The following RNF17 variants were observed in gnomAD, a reference collection of about 807,000 sequenced individuals.
RNF17 encodes the protein spermatogenesis associated 23.
RNF17 carries 31 observed loss-of-function variants against 200.5 expected under a neutral mutation model. That is an observed-to-expected ratio of 0.15 (90% CI 0.12 to 0.21). RNF17 has a LOEUF of 0.21. RNF17 is among the 10% of genes least tolerant of loss of function. The pLI, the probability that RNF17 is intolerant of heterozygous loss-of-function variation, is 1.00. For synonymous variants in RNF17, 606 were observed against 637.8 expected, an observed-to-expected ratio of 0.95 and a Z score of 0.75; for missense variants, 1,628 against 1,905.1, an observed-to-expected ratio of 0.85 and a Z score of 2.71.
In RNF17 at chr13:24,844,630, T is replaced by TA. The variant is rs557437281; in HGVS notation, c.2832-19dup. On this transcript the variant is annotated intron_variant, in intron 20 of 35. Transcript: ENST00000255324. ...TTATATAAGAAAAGGTTTGGAAAGT[T>TA]AAATATTTTTTATCTCTATAGTTTA... The TA allele has an allele frequency of 3.0e-3, 4,608 of 1,530,674 alleles. 14 individuals carry two copies. The highest frequency in any genetic ancestry group is 3.7e-3 in the Non-Finnish European group (4,103 of 1,120,336). The allele number at this position is 1,530,674 out of a possible 1,614,324, so 94.8% of individuals were successfully genotyped here. A position where few individuals can be genotyped will look rare whatever the true frequency, so the allele number is the denominator to read the frequency against.
chr13:24,863,755 T>C (rs1893340867), intron 28 of RNF17, among the ~76,000 whole-genome samples: 1 of 152,224 alleles, frequency 6.6e-6, no homozygotes, highest in South Asian at 2.1e-4. Flanking sequence ...CAGCTTTCAC[T>C]GCTTCTTCGC....
intron 34 of RNF17, 37 bp downstream of exon 34, chr13:24,877,223 A>G: frequency 1.9e-6 from 3 of 1,546,200 alleles, no homozygotes; most frequent in Non-Finnish European, 1.8e-6. Flanking sequence ...TTGTAAAGCT[A>G]TTTCTGTGTC....
At position 24,870,493 on chromosome 13, in the gene RNF17, C is replaced by CT. The variant is rs1738866683; in HGVS notation, c.4279-77dup. 4 of 1,295,766 alleles carry CT rather than the reference C, an allele frequency of 3.1e-6. No homozygotes were observed. The Admixed American group carries it at 7.4e-5, about 24-fold the overall frequency. 80.3% of individuals were successfully genotyped at this position (1,295,766 alleles called of 1,614,324 possible). On this transcript the variant is annotated intron_variant, in intron 31 of 35. Coordinates refer to ENST00000255324, the MANE Select transcript of RNF17 (RefSeq NM_031277.3). ...TGGGAGCATCGCTGGAGGCTGTCTG[C>CT]TACAGTAATTTTGTCCACATACGTG...
intron 2 of RNF17, among the ~76,000 whole-genome samples, chr13:24,771,603 C>T (rs1283759830): frequency 6.7e-6 from 1 of 148,788 alleles, no homozygotes; most frequent in Non-Finnish European, 1.5e-5. Flanking sequence ...CTTAACTAGT[C>T]ATTTTTACCC....
chr13:24,784,114 AG>A (rs1882785965), intron 6 of RNF17, among the ~76,000 whole-genome samples: 1 of 152,228 alleles, frequency 6.6e-6, no homozygotes, highest in African/African-American at 2.4e-5. Context: ...GCATCAATTG[AG>A]AAACCACTTG....
downstream of RNF17, chr13:24,884,144 G>A (rs1314657920): frequency 6.2e-7 from 1 of 1,613,728 alleles, no homozygotes; most frequent in South Asian, 1.1e-5. Flanking sequence ...TAATGAGAGG[G>A]TGGAGCAAGT....
At chr13:24,775,540 T>G (rs944862380) in intron 3 of RNF17, among the ~76,000 whole-genome samples, 2 of 152,190 alleles carry the variant, frequency 1.3e-5, no homozygotes, top group African/African-American at 2.4e-5. Context: ...CGTGAGCCAC[T>G]GCACCCAGCT....
chr13:24,870,008 C>T (rs530656137), intron 31 of RNF17, among the ~76,000 whole-genome samples: 10 of 138,072 alleles, frequency 7.2e-5, no homozygotes, highest in Admixed American at 4.1e-4. Flanking sequence ...GTGGTGCAAT[C>T]TCAGCTCACT....
intron 10 of RNF17, among the ~76,000 whole-genome samples, chr13:24,794,691 G>C (rs941048785): frequency 6.6e-6 from 1 of 151,964 alleles, no homozygotes; most frequent in African/African-American, 2.4e-5. Context: ...GAATGAATGA[G>C]TGTTTTGACT....
intron 18 of RNF17, among the ~76,000 whole-genome samples, chr13:24,835,239 C>G (rs185901533): frequency 4.8e-4 from 73 of 151,904 alleles, no homozygotes; most frequent in African/African-American, 1.4e-3. Context: ...TTCCCTACCC[C>G]CCCTGGTAGC....
chr13:24,861,489 C>T, intron 27 of RNF17, 102 bp downstream of exon 27: 1 of 803,012 alleles, frequency 1.2e-6, no homozygotes, highest in East Asian at 3.6e-5. Context: ...TCAGTTGCAA[C>T]AAAAAAGTAA....
At chr13:24,881,345 T>C (rs1482909323), downstream of RNF17, among the ~76,000 whole-genome samples, 1 of 151,962 alleles carries the variant, frequency 6.6e-6, no homozygotes, top group Non-Finnish European at 1.5e-5. Context: ...TTCATCATGT[T>C]GGCCAGGCTG....
At chr13:24,868,942 C>G (rs1034110214) in intron 31 of RNF17, among the ~76,000 whole-genome samples, 10 of 152,172 alleles carry the variant, frequency 6.6e-5, no homozygotes, top group African/African-American at 2.4e-4. Flanking sequence ...CTGCTTTATT[C>G]AATGTTATGC....
intron 9 of RNF17, among the ~76,000 whole-genome samples, chr13:24,790,619 C>A (rs868571131): frequency 7.9e-5 from 12 of 152,116 alleles, no homozygotes; most frequent in Admixed American, 6.6e-4. Context: ...GTTTATTCTT[C>A]TGTAACTCAT....
chr13:24,804,247 G>A (rs1332251991), intron 14 of RNF17, 41 bp from the exon 15 acceptor site: 1 of 1,585,210 alleles, frequency 6.3e-7, no homozygotes, highest in Non-Finnish European at 8.6e-7. Flanking sequence ...TGGGTGACAG[G>A]GTGAGACCCT....
At chr13:24,803,133 G>C (rs1885453902) in intron 14 of RNF17, among the ~76,000 whole-genome samples, 1 of 13,408 alleles carries the variant, frequency 7.5e-5, no homozygotes. Context: ...AACATCTTTT[G>C]GACTCTTGAT....
Position 24,864,980 on chromosome 13 carries a change from TGAG to T in RNF17, c.4087_4089del (p.Glu1363del). On this transcript the variant is annotated inframe_deletion, in exon 29 of 36. Coordinates refer to ENST00000255324, the MANE Select transcript of RNF17 (RefSeq NM_031277.3). ...ATAAATACTGTACTTCTGAACATAC[TGAG>T]GAGATGTTGAAAGAAGTAAGTGCAC... 1 of 1,555,608 alleles carries T rather than the reference TGAG, an allele frequency of 6.4e-7. No homozygotes were observed. The highest frequency in any genetic ancestry group is 2.1e-5 in the Admixed American group (1 of 47,920).
At chr13:24,878,061 T>C (rs969902761) in intron 34 of RNF17, among the ~76,000 whole-genome samples, 2 of 152,204 alleles carry the variant, frequency 1.3e-5, no homozygotes, top group African/African-American at 2.4e-5. Flanking sequence ...GCCCCTTAGA[T>C]AGGAACATGT....
chr13:24,839,528 A>G (rs750418487), intron 18 of RNF17, among the ~76,000 whole-genome samples: 16 of 152,202 alleles, frequency 1.1e-4, no homozygotes, highest in Non-Finnish European at 2.4e-4. Flanking sequence ...CTGGTACAAA[A>G]ATAGGCACAT....
Sources: gnomAD v4.1 joint callset for allele counts (sites outside exome capture counted in the v4.1 genomes callset) on GRCh38, gnomAD v4.1.1 for gene constraint, MANE v1.5 for transcripts, NCBI Gene and HGNC (gene_info 2026-07-23, HGNC 2026-07-21) for gene names.